The following LNP1 variants were observed in gnomAD, a reference collection of about 807,000 sequenced individuals.
LNP1 encodes leukemia NUP98 fusion partner 1.
LNP1 carries 12 observed loss-of-function variants against 14.5 expected under a neutral mutation model. That is an observed-to-expected ratio of 0.83 (90% CI 0.53 to 1.34). LNP1 has a LOEUF of 1.34. LNP1 is among the 40% of genes most tolerant of loss of function. The probability of loss-of-function intolerance (pLI) is 0.00; values close to 1 mark genes in which losing one functional copy is unlikely to be tolerated. For synonymous variants in LNP1, 75 were observed against 71.4 expected (o/e 1.05, Z -0.26); for missense variants, 198 against 210.9 (o/e 0.94, Z 0.38).
chr3:100,408,920 G>A (rs1383684759), intron 1 of LNP1, among the ~76,000 whole-genome samples: 5 of 152,092 alleles, frequency 3.3e-5, no homozygotes, highest in African/African-American at 4.8e-5. Flanking sequence ...CTCTCACCTG[G>A]TTTCCTTAGC....
chr3:100,425,720 T>C (rs1707185853), intron 1 of LNP1, among the ~76,000 whole-genome samples: 1 of 152,186 alleles, frequency 6.6e-6, no homozygotes, highest in South Asian at 2.1e-4. Flanking sequence ...TAGAAAATCA[T>C]TGTTTCATGT....
intron 1 of LNP1, among the ~76,000 whole-genome samples, chr3:100,404,941 C>T (rs1044456233): frequency 6.6e-6 from 1 of 151,830 alleles, no homozygotes; most frequent in Admixed American, 6.6e-5. Context: ...TACTGGCGCC[C>T]GCCACCACAC....
intron 3 of LNP1, among the ~76,000 whole-genome samples, chr3:100,455,244 T>G (rs1397471332): frequency 6.6e-6 from 1 of 152,194 alleles, no homozygotes. Flanking sequence ...ACAACAACAG[T>G]TTATGTTCAA....
intron 2 of LNP1, among the ~76,000 whole-genome samples, chr3:100,449,103 G>T (rs1707414207): frequency 6.6e-6 from 1 of 152,210 alleles, no homozygotes; most frequent in Non-Finnish European, 1.5e-5. Flanking sequence ...ATTGTATAAG[G>T]AGACTAATTT....
intron 1 of LNP1, among the ~76,000 whole-genome samples, chr3:100,428,953 G>A (rs1356814056): frequency 6.6e-6 from 1 of 152,180 alleles, no homozygotes; most frequent in Non-Finnish European, 1.5e-5. Flanking sequence ...CTTTTGAAGG[G>A]AGTATGGATT....
At chr3:100,408,336 C>T (rs925421844) in intron 1 of LNP1, among the ~76,000 whole-genome samples, 3 of 152,224 alleles carry the variant, frequency 2.0e-5, no homozygotes, top group African/African-American at 7.2e-5. Flanking sequence ...GTGCTATGTA[C>T]TCCCTACTGT....
intron 2 of LNP1, among the ~76,000 whole-genome samples, chr3:100,435,014 G>C (rs570400279): frequency 6.6e-6 from 1 of 152,174 alleles, no homozygotes; most frequent in Non-Finnish European, 1.5e-5. Context: ...GGCCCTCTTA[G>C]GGGAGTTCTC....
At chr3:100,433,839 GT>G (rs1248273313) in intron 2 of LNP1, among the ~76,000 whole-genome samples, 8 of 152,028 alleles carry the variant, frequency 5.3e-5, no homozygotes, top group Non-Finnish European at 1.0e-4. Flanking sequence ...TTTTTCATAT[GT>G]TTTTTTGGCC....
intron 1 of LNP1, among the ~76,000 whole-genome samples, chr3:100,415,653 C>G (rs1049709053): frequency 3.3e-5 from 5 of 152,190 alleles, no homozygotes; most frequent in African/African-American, 9.7e-5. Context: ...AGATAGACAA[C>G]ACACTGCACA....
At chr3:100,407,003 T>G (rs996511707) in intron 1 of LNP1, among the ~76,000 whole-genome samples, 3 of 152,252 alleles carry the variant, frequency 2.0e-5, no homozygotes, top group African/African-American at 7.2e-5. Flanking sequence ...ATTTCACAAT[T>G]TAAGTATTTT....
At chr3:100,439,534 C>A (rs1218193391) in intron 2 of LNP1, among the ~76,000 whole-genome samples, 1 of 152,130 alleles carries the variant, frequency 6.6e-6, no homozygotes, top group Non-Finnish European at 1.5e-5. Flanking sequence ...GTCCTCTAAC[C>A]CTTGCTCATC....
intron 1 of LNP1, among the ~76,000 whole-genome samples, chr3:100,415,732 C>T (rs768232632): frequency 4.9e-4 from 75 of 152,182 alleles, no homozygotes; most frequent in Non-Finnish European, 8.8e-4. Context: ...AAAAGCTTAC[C>T]AGTAGAAGAA....
intron 1 of LNP1, among the ~76,000 whole-genome samples, chr3:100,417,378 T>C (rs1431711198): frequency 3.1e-5 from 4 of 128,420 alleles, no homozygotes; most frequent in Admixed American, 7.7e-5. Flanking sequence ...TTTCTTTTTT[T>C]TTTTTTTTTT....
intron 2 of LNP1, among the ~76,000 whole-genome samples, chr3:100,433,917 T>C (rs532797441): frequency 6.6e-6 from 1 of 152,170 alleles, no homozygotes; most frequent in Non-Finnish European, 1.5e-5. Flanking sequence ...GGTTTGTTTG[T>C]TTGTTTCTTG....
intron 2 of LNP1, among the ~76,000 whole-genome samples, chr3:100,443,916 C>G (rs1395831989): frequency 1.3e-5 from 2 of 152,172 alleles, no homozygotes; most frequent in African/African-American, 4.8e-5. Context: ...TAGGAGTATA[C>G]TTTACTCAGT....
intron 1 of LNP1, among the ~76,000 whole-genome samples, chr3:100,407,227 C>G (rs569919375): frequency 6.6e-6 from 1 of 152,130 alleles, no homozygotes; most frequent in Non-Finnish European, 1.5e-5. Context: ...TCATTAGTGT[C>G]CTTTCAGCTT....
chr3:100,453,265 G>A (rs1707476846), intron 3 of LNP1, among the ~76,000 whole-genome samples: 3 of 152,132 alleles, frequency 2.0e-5, no homozygotes, highest in South Asian at 2.1e-4. Context: ...AACAAGGAAG[G>A]GAGAATAGTG....
intron 2 of LNP1, among the ~76,000 whole-genome samples, chr3:100,442,532 A>C (rs1387980200): frequency 6.6e-6 from 1 of 152,188 alleles, no homozygotes; most frequent in Non-Finnish European, 1.5e-5. Context: ...GGAAGACTCA[A>C]AGTGGGGAGG....
chr3:100,404,791 C>G (rs543559056), intron 1 of LNP1, among the ~76,000 whole-genome samples: 7 of 131,260 alleles, frequency 5.3e-5, no homozygotes, highest in African/African-American at 2.0e-4. Flanking sequence ...TTGTGTTATC[C>G]TTTTTTTTTT....
Sources: allele counts gnomAD v4.1 joint callset (sites outside exome capture counted in the v4.1 genomes callset), GRCh38; gene constraint gnomAD v4.1.1; transcripts MANE v1.5; gene names NCBI Gene and HGNC (gene_info 2026-07-23, HGNC 2026-07-21).